CDH23: variants seen among roughly 807,000 people sequenced by gnomAD.
CDH23 encodes cadherin-23.
Under a neutral mutation model 317.1 loss-of-function variants are expected in CDH23, and 189 were observed. The ratio of observed to expected loss-of-function variants is 0.60; its 90% CI spans 0.53 to 0.67. The LOEUF (loss-of-function observed/expected upper bound fraction) is 0.67. CDH23 is among the 30% of genes least tolerant of loss of function. CDH23 has a pLI of 0.00. For missense variants in CDH23, 4,401 were observed against 4,592.4 expected, an observed-to-expected ratio of 0.96 and a Z score of 1.20; for synonymous variants, 1,839 against 1,876.8, an observed-to-expected ratio of 0.98 and a Z score of 0.52.
intron 28 of CDH23, among the ~76,000 whole-genome samples, chr10:71,718,895 C>T (rs1866418352): frequency 6.6e-6 from 1 of 150,676 alleles, no homozygotes; most frequent in Admixed American, 6.6e-5. Flanking sequence ...AGTGAGTCTT[C>T]ATTTCTGAAA....
chr10:71,497,601 C>T (rs746379253), intron 3 of CDH23, among the ~76,000 whole-genome samples: 15 of 152,200 alleles, frequency 9.9e-5, no homozygotes, highest in East Asian at 5.8e-4. Context: ...CCTTGGGAGC[C>T]GGGTTGGGTC....
chr10:71,756,167 G>A (rs1381262760), intron 38 of CDH23, among the ~76,000 whole-genome samples: 1 of 152,084 alleles, frequency 6.6e-6, no homozygotes, highest in Non-Finnish European at 1.5e-5. Flanking sequence ...AAAAGTACAA[G>A]TTTAAAAAAT....
At chr10:71,550,173 C>T (rs1856501889) in intron 6 of CDH23, among the ~76,000 whole-genome samples, 2 of 152,234 alleles carry the variant, frequency 1.3e-5, no homozygotes, top group Admixed American at 1.3e-4. Flanking sequence ...GCCTCAGGGA[C>T]TGTTGTGAGG....
chr10:71,445,384 T>A (rs1277959219), intron 2 of CDH23, among the ~76,000 whole-genome samples: 1 of 152,202 alleles, frequency 6.6e-6, no homozygotes, highest in Non-Finnish European at 1.5e-5. Flanking sequence ...CAAATCGTCT[T>A]GTGGGTTGTC....
At chr10:71,691,902 C>T (rs10999954) in intron 20 of CDH23, among the ~76,000 whole-genome samples, 32 of 152,282 alleles carry the variant, frequency 2.1e-4, no homozygotes, top group Non-Finnish European at 2.6e-4. Context: ...CTGATGGGTA[C>T]GAAGACTGAG....
intron 14 of CDH23, among the ~76,000 whole-genome samples, chr10:71,668,450 G>A (rs943786281): frequency 1.3e-5 from 2 of 152,196 alleles, no homozygotes; most frequent in Non-Finnish European, 2.9e-5. Flanking sequence ...AGGAGCAAGG[G>A]AGGGGAGGTC....
chr10:71,730,955 C>A (rs752001180), intron 31 of CDH23, among the ~76,000 whole-genome samples: 4 of 152,172 alleles, frequency 2.6e-5, no homozygotes, highest in African/African-American at 4.8e-5. Context: ...AAGCTGGCTG[C>A]GGCCTGGCCT....
intron 4 of CDH23, 67 bp from the exon 5 acceptor site, chr10:71,510,887 T>G: frequency 6.5e-7 from 1 of 1,535,824 alleles, no homozygotes. Flanking sequence ...CCGCCCCATT[T>G]AGGGCCCAGG....
At chr10:71,571,058 G>A in intron 8 of CDH23, 140 bp downstream of exon 8, 2 of 903,546 alleles carry the variant, frequency 2.2e-6, no homozygotes, top group Non-Finnish European at 3.4e-6. Context: ...AGTGATGAGT[G>A]TTCTGGCACA....
At chr10:71,763,743 G>GTA (rs1246057678) in intron 38 of CDH23, among the ~76,000 whole-genome samples, 6 of 152,348 alleles carry the variant, frequency 3.9e-5, no homozygotes, top group African/African-American at 1.4e-4. Flanking sequence ...TGCCATGCGA[G>GTA]TAGTCGGCGC....
In CDH23 at chr10:71,510,987, A is replaced by G. The variant is rs1474435835; in HGVS notation, c.322A>G (p.Ser108Gly). 1 of 1,613,654 alleles carries G rather than the reference A, an allele frequency of 6.2e-7. No individual in the cohort carries two copies. The highest frequency in any genetic ancestry group is 8.5e-7 in the Non-Finnish European group (1 of 1,179,828). ...KSEFTVEFSV[S>G]DHQGVITRKV... Reference sequence around the variant, plus strand: ...AGAGTTCACCGTGGAGTTCTCTGTCAGCGACCACCAGGGGGTGAGTGTTCC... The same window carrying G: ...AGAGTTCACCGTGGAGTTCTCTGTCGGCGACCACCAGGGGGTGAGTGTTCC... The change falls in exon 5 of 70, where the codon AGC becomes GGC. Residue 108 changes from serine (S) to glycine (G), a missense_variant. Ser to Gly is a moderately conservative substitution (Grantham distance 56). Around this residue, in one of 3 missense-constraint regions of CDH23, gnomAD observed 3,068 missense variants for 3,203.3 expected, o/e 0.96. Transcript: ENST00000224721.
chr10:71,658,960 G>A (rs10999935), intron 14 of CDH23, among the ~76,000 whole-genome samples: 16,100 of 152,120 alleles, frequency 0.11, 2,074 homozygotes, highest in African/African-American at 0.29. Flanking sequence ...GGGCCTCAGC[G>A]TCCTCATCTG....
chr10:71,419,291 C>T (rs1043053524), intron 1 of CDH23, among the ~76,000 whole-genome samples: 1 of 152,196 alleles, frequency 6.6e-6, no homozygotes, highest in Non-Finnish European at 1.5e-5. Flanking sequence ...AATGAAGTGA[C>T]CTTGAGGGGG....
chr10:71,607,960 G>A (rs1271013211), intron 9 of CDH23, among the ~76,000 whole-genome samples: 1 of 152,160 alleles, frequency 6.6e-6, no homozygotes, highest in Non-Finnish European at 1.5e-5. Context: ...AGAAACCAAA[G>A]TGTCCACCTG....
chr10:71,811,217 G>A lies in CDH23; in HGVS notation c.9078-98G>A, dbSNP rs1474596285. The A allele has an allele frequency of 1.2e-5, 19 of 1,576,474 alleles. No homozygotes were observed. The Admixed American group carries it at 2.5e-4, about 21-fold the overall frequency. On this transcript the variant is annotated intron_variant, in intron 62 of 69. Transcript: ENST00000224721. ...GGACCTCAATCTTGCAAGGCTTGGG[G>A]TTGTTGAACTTTGGAGGCTTGAGGC...
chr10:71,689,814 A>G (rs149322796), intron 19 of CDH23, among the ~76,000 whole-genome samples: 56 of 152,306 alleles, frequency 3.7e-4, no homozygotes, highest in Middle Eastern at 3.4e-3. Context: ...TGAAGATTCC[A>G]GGAACCTGTG....
intron 11 of CDH23, among the ~76,000 whole-genome samples, chr10:71,629,570 A>C (rs1178988565): frequency 6.6e-6 from 1 of 152,174 alleles, no homozygotes; most frequent in Non-Finnish European, 1.5e-5. Flanking sequence ...AAGTTTCGGG[A>C]GGAGGTGCAG....
intron 11 of CDH23, among the ~76,000 whole-genome samples, chr10:71,622,016 GA>G (rs376756194): frequency 2.5e-4 from 37 of 147,706 alleles, no homozygotes; most frequent in African/African-American, 4.0e-4. Context: ...ATGCAAATCA[GA>G]AAAAAAAAAA....
At chr10:71,499,811 C>T (rs1380260245) in intron 3 of CDH23, among the ~76,000 whole-genome samples, 1 of 151,274 alleles carries the variant, frequency 6.6e-6, no homozygotes, top group Non-Finnish European at 1.5e-5. Context: ...TGCACTCCAG[C>T]CTGAGCAACA....
Sources: gnomAD v4.1 joint callset for allele counts (sites outside exome capture counted in the v4.1 genomes callset) on GRCh38, gnomAD v4.1.1 for gene constraint, gnomAD v4.1.1 regional missense constraint, MANE v1.5 for transcripts, NCBI Gene and HGNC (gene_info 2026-07-23, HGNC 2026-07-21) for gene names.